Variants in RAPGEF3 observed in about 807,000 individuals in gnomAD.
RAPGEF3 encodes the protein Rap guanine nucleotide exchange factor 3, also known as 9330170P05Rik.
Under a neutral mutation model 129.8 loss-of-function variants are expected in RAPGEF3, and 103 were observed. The ratio of observed to expected loss-of-function variants is 0.79; its 90% CI spans 0.68 to 0.93. The LOEUF is 0.93. Among genes scored for constraint, RAPGEF3 ranks in the 40% least tolerant of loss-of-function variants. The pLI is 0.00. For synonymous variants in RAPGEF3, 436 were observed against 482.6 expected (o/e 0.90, Z 1.26); for missense variants, 1,117 against 1,207.4 (o/e 0.93, Z 1.11).
chr12:47,751,579 C>A (rs763305617), intron 4 of RAPGEF3, 59 bp from the exon 5 acceptor site: 1 of 1,609,778 alleles, frequency 6.2e-7, no homozygotes, highest in African/African-American at 1.3e-5. Context: ...GAGGGAGGAA[C>A]TATGCATTAG....
rs753781665 is a variant in RAPGEF3 at position 47,739,212 on chromosome 12, G to C, written c.2392C>G (p.Arg798Gly). The C allele has an allele frequency of 1.2e-6, 2 of 1,611,806 alleles. No homozygotes were observed. Among genetic ancestry groups the C allele is most frequent in the African/African-American group, 2.7e-5 (2 of 74,812 alleles). Reference protein sequence around the residue: ...ERLLDPSWNHRVYRLALAKLS... With the variant: ...ERLLDPSWNHGVYRLALAKLS... ...TTGGCGAGGGCCAGTCGGTATACCC[G>C]GTGGTTCCATGAGGGATCCTAGGGG... Residue 798 changes from arginine (R) to glycine (G), a missense_variant, in exon 24 of 28, where the codon CGG becomes GGG. Arg to Gly is a moderately radical substitution (Grantham distance 125). Transcript: ENST00000449771.
In RAPGEF3 at chr12:47,749,473, G is replaced by A. The variant is rs1219263374; in HGVS notation, c.958C>T (p.Pro320Ser). The A allele has an allele frequency of 1.2e-6, 2 of 1,613,174 alleles. No individual in the cohort carries two copies. Among genetic ancestry groups the A allele is most frequent in the Non-Finnish European group, 8.5e-7 (1 of 1,180,006 alleles). The part of the protein sequence containing the change: ...FGQLALVNDA[P>S]RAATIILRED... ...CGCAGGATGATGGTGGCTGCCCGGG[G>A]TGCATCATTCACCAGAGCCAGCTGT... The change falls in exon 10 of 28, where the codon CCC becomes TCC. Residue 320 changes from proline (P) to serine (S), a missense_variant. By Grantham distance (74) the Pro-to-Ser change is moderately conservative (BLOSUM62 -1). Coordinates refer to ENST00000449771, the MANE Select transcript of RAPGEF3 (RefSeq NM_001098531.4). The surrounding 1 kb of genome is among the most constrained non-coding windows in gnomAD (Gnocchi z 4.5).
intron 23 of RAPGEF3, 134 bp from the exon 24 acceptor site, chr12:47,739,364 GTCTCACCCAGGCT>G: frequency 1.3e-6 from 1 of 747,562 alleles, no homozygotes; most frequent in Non-Finnish European, 2.4e-6. Flanking sequence ...TCAGCCCCAG[GTCTCACCCAGGCT>G]CTGTCACAGG....
chr12:47,755,470 G>T (rs941493044), intron 2 of RAPGEF3, among the ~76,000 whole-genome samples: 2 of 152,126 alleles, frequency 1.3e-5, no homozygotes, highest in African/African-American at 4.8e-5. Context: ...CACACAAAGA[G>T]AATCATCTCA....
In RAPGEF3 at chr12:47,740,126, GGGT is replaced by G. The variant is rs771808650; in HGVS notation, c.2373+12_2373+14del. 1 of 1,611,066 alleles carries G rather than the reference GGGT, an allele frequency of 6.2e-7. No homozygotes were observed. Among genetic ancestry groups the G allele is most frequent in the Non-Finnish European group, 8.5e-7 (1 of 1,178,878 alleles). ...GATCCTAGCAGAGCCAGGCCGGGCA[GGGT>G]GGAGCACTCACCAGCAGCCTCTCGA... is the stretch of plus-strand genomic sequence containing the variant. On this transcript the variant is annotated intron_variant, in intron 23 of 27. Coordinates refer to ENST00000449771, the MANE Select transcript of RAPGEF3 (RefSeq NM_001098531.4).
Position 47,749,644 on chromosome 12 carries a change from C to A in RAPGEF3, c.894+97G>T. ...ACAACCCACACAGGAGACACGGGGT[C>A]AGCAGCAGTAGATCAACAAAGGCAC... On this transcript the variant is annotated intron_variant, in intron 9 of 27. Transcript: ENST00000449771. The surrounding 1 kb of genome is among the most constrained non-coding windows in gnomAD (Gnocchi z 4.5). 6.3e-7 allele frequency: 1 copy of A among 1,580,354 alleles called. No homozygotes were observed.
intron 25 of RAPGEF3, 30 bp from the exon 26 acceptor site, chr12:47,738,277 G>T: frequency 1.2e-6 from 2 of 1,611,270 alleles, no homozygotes; most frequent in South Asian, 2.2e-5. Context: ...ATAAGCTCTT[G>T]CCTGAGGGAG....
Position 47,748,876 on chromosome 12 carries a change from A to G in RAPGEF3, c.1097T>C (p.Leu366Pro). 1.2e-6 allele frequency: 2 copies of G among 1,613,972 alleles called. No individual in the cohort carries two copies. The highest frequency in any genetic ancestry group is 1.7e-6 in the Non-Finnish European group (2 of 1,179,880). The change falls in exon 11 of 28, where the codon CTG (leucine) becomes CCG (proline). Residue 366 changes from leucine to proline, a missense_variant. Coordinates refer to ENST00000449771, the MANE Select transcript of RAPGEF3 (RefSeq NM_001098531.4). Reference sequence around the variant, plus strand: ...GCCGGCGCCCTGAGAGGCTCTCTCCAGCACCAGCACCACTTTGCCATGTTC... The same window carrying G: ...GCCGGCGCCCTGAGAGGCTCTCTCCGGCACCAGCACCACTTTGCCATGTTC... Reference protein sequence around the residue: ...LEEHGKVVLVLERASQGAGPS... With the variant: ...LEEHGKVVLVPERASQGAGPS...
Position 47,740,121 on chromosome 12 carries a change from G to A in RAPGEF3, c.2373+20C>T, listed in dbSNP as rs780896208. 23 of 1,609,928 alleles carry A rather than the reference G, an allele frequency of 1.4e-5. No individual in the cohort carries two copies. Among genetic ancestry groups the A allele is most frequent in the South Asian group, 2.2e-5 (2 of 90,462 alleles). ...CAGCTGATCCTAGCAGAGCCAGGCC[G>A]GGCAGGGTGGAGCACTCACCAGCAG... On this transcript the variant is annotated intron_variant, in intron 23 of 27. Coordinates refer to ENST00000449771, the MANE Select transcript of RAPGEF3 (RefSeq NM_001098531.4).
chr12:47,752,659 G>A (rs1173749612), intron 2 of RAPGEF3: 1 of 153,512 alleles, frequency 6.5e-6, no homozygotes. Context: ...GAGGTTTTGG[G>A]AGAATTAAAT....
Position 47,747,531 on chromosome 12 carries a change from G to A in RAPGEF3, c.1556+13C>T, listed in dbSNP as rs1304155684. The A allele has an allele frequency of 1.2e-6, 2 of 1,612,208 alleles. No individual in the cohort carries two copies. Among genetic ancestry groups the A allele is most frequent in the South Asian group, 1.1e-5 (1 of 91,066 alleles). On this transcript the variant is annotated intron_variant, in intron 15 of 27. Transcript: ENST00000449771. ...GTTATGGAAATGACAAATTAACAGA[G>A]TCAAAGCATCACCTGTGGCATCGCC...
rs1261465179 is a variant in RAPGEF3, at chr12:47,757,986, G to A, written c.99C>T (p.Asp33=). ...TGAGTAGTGTCCCCTCCGGCACCAC[G>A]TCAGGGAGGGCTCCCACCCGCGGTG... ...LGAPRVGALP[D]VVPEGTLLNM... The change falls in exon 2 of 28, where the codon GAC becomes GAT. Residue 33 remains aspartate (D), a synonymous_variant. Coordinates refer to ENST00000449771, the MANE Select transcript of RAPGEF3 (RefSeq NM_001098531.4). 21 of 1,570,244 alleles carry A rather than the reference G, an allele frequency of 1.3e-5. No individual in the cohort carries two copies. The highest frequency in any genetic ancestry group is 4.1e-5 in the African/African-American group (3 of 74,006).
chr12:47,750,261 C>T, intron 7 of RAPGEF3, 80 bp downstream of exon 7: 1 of 1,428,288 alleles, frequency 7.0e-7, no homozygotes, highest in Non-Finnish European at 9.8e-7. Flanking sequence ...TGCCCTCTGG[C>T]CCAGCAGTTG....
intron 25 of RAPGEF3, 71 bp downstream of exon 25, chr12:47,738,619 G>A (rs1940943643): frequency 1.5e-6 from 2 of 1,344,250 alleles, no homozygotes; most frequent in Non-Finnish European, 2.1e-6. Context: ...TCCAAGCCCT[G>A]CCCCTTCCCA....
chr12:47,739,122 G>A (rs1940980118), intron 24 of RAPGEF3, 21 bp downstream of exon 24: 1 of 1,550,424 alleles, frequency 6.4e-7, no homozygotes, highest in Non-Finnish European at 8.8e-7. Context: ...ATGGAGGGAT[G>A]GAGGCAGGAA....
Position 47,749,998 on chromosome 12 carries a change from G to A in RAPGEF3, c.757-8C>T. On this transcript the variant is annotated splice_polypyrimidine_tract_variant and splice_region_variant and intron_variant, in intron 7 of 27. Coordinates refer to ENST00000449771, the MANE Select transcript of RAPGEF3 (RefSeq NM_001098531.4). This position sits in a 1 kb window ranked among gnomAD's most constrained non-coding sequence, Gnocchi z 4.5. ...CGCTAATTCTCGCTTCACCTGTGTG[G>A]TGGAGATAGGAGAGTCGGTGGCGAC... 1 of 1,614,258 alleles carries A rather than the reference G, an allele frequency of 6.2e-7. No homozygotes were observed. The highest frequency in any genetic ancestry group is 8.5e-7 in the Non-Finnish European group (1 of 1,180,050).
At chr12:47,741,268 G>T in intron 19 of RAPGEF3, 1 of 685,892 alleles carries the variant, frequency 1.5e-6, no homozygotes, top group Non-Finnish European at 2.4e-6. Flanking sequence ...CCCTAACTAG[G>T]GCAGGTCCTC....
chr12:47,749,806 C>A lies in RAPGEF3; in HGVS notation c.829G>T (p.Gly277Trp), dbSNP rs1385771965. ...SKAGTVLFSQ[G>W]DKGTSWYIIW... is the part of the protein sequence containing the mutation. ...ATGTACCACGAAGTGCCCTTGTCCCCCTGGCTGAACACTGACAGAAGCATA... is the reference window on the plus strand; with the variant it reads ...ATGTACCACGAAGTGCCCTTGTCCCACTGGCTGAACACTGACAGAAGCATA... Residue 277 changes from glycine to tryptophan, a missense_variant, in exon 9 of 28, where the codon GGG becomes TGG. Physicochemically the swap from Gly to Trp is radical, Grantham distance 184 (BLOSUM62 -2). Around this residue, in one of 3 missense-constraint regions of RAPGEF3, gnomAD observed 367 missense variants for 373.4 expected, o/e 0.98. Coordinates refer to ENST00000449771, the MANE Select transcript of RAPGEF3 (RefSeq NM_001098531.4). The surrounding 1 kb of genome is among the most constrained non-coding windows in gnomAD (Gnocchi z 4.5). 1 of 1,614,102 alleles carries A rather than the reference C, an allele frequency of 6.2e-7. No individual in the cohort carries two copies. The highest frequency in any genetic ancestry group is 1.3e-5 in the African/African-American group (1 of 74,948).
At chr12:47,751,249 G>A in intron 5 of RAPGEF3, 33 bp from the exon 6 acceptor site, 1 of 1,545,798 alleles carries the variant, frequency 6.5e-7, no homozygotes, top group Non-Finnish European at 8.7e-7. Context: ...TGGGGGAGGA[G>A]AGGAAATTGA....
Sources: gnomAD v4.1 joint callset for allele counts (sites outside exome capture counted in the v4.1 genomes callset) on GRCh38, gnomAD v4.1.1 for gene constraint, gnomAD v4.1.1 regional missense constraint, Gnocchi (gnomAD v3.1) non-coding constraint, MANE v1.5 for transcripts, NCBI Gene and HGNC (gene_info 2026-07-23, HGNC 2026-07-21) for gene names.